PLEKHG1: variants seen among roughly 807,000 people sequenced by gnomAD.
PLEKHG1 encodes the protein pleckstrin homology domain-containing family G member 1.
Under a neutral mutation model 100.8 loss-of-function variants are expected in PLEKHG1, and 44 were observed. That is an observed-to-expected ratio of 0.44 (90% confidence interval 0.34 to 0.56). PLEKHG1 has a LOEUF of 0.56. Ranked by LOEUF, PLEKHG1 falls within the 20% of genes least tolerant of loss-of-function variation. The pLI, the probability that PLEKHG1 is intolerant of heterozygous loss-of-function variation, is 0.01. For missense variants in PLEKHG1, 1,545 were observed against 1,720.9 expected, an observed-to-expected ratio of 0.90 and a Z score of 1.81; for synonymous variants, 640 against 662.5, an observed-to-expected ratio of 0.97 and a Z score of 0.52.
intron 1 of PLEKHG1, among the ~76,000 whole-genome samples, chr6:150,733,052 A>C (rs1220616748): frequency 1.3e-5 from 2 of 152,234 alleles, no homozygotes; most frequent in Non-Finnish European, 2.9e-5. Flanking sequence ...TGGCTCCAGG[A>C]TGCTAGCCTA....
intron 2 of PLEKHG1, among the ~76,000 whole-genome samples, chr6:150,750,309 G>A (rs1401804666): frequency 2.0e-5 from 3 of 152,096 alleles, no homozygotes; most frequent in Non-Finnish European, 4.4e-5. Context: ...TTCTAAAGCC[G>A]AGGTTGCACA....
At chr6:150,644,070 G>C (rs1194016839) in intron 2 of PLEKHG1, among the ~76,000 whole-genome samples, 2 of 152,030 alleles carry the variant, frequency 1.3e-5, no homozygotes, top group Non-Finnish European at 2.9e-5. Flanking sequence ...GTGGATAAAC[G>C]AATTTTGAGG....
At chr6:150,732,008 C>T (rs966805958) in intron 1 of PLEKHG1, among the ~76,000 whole-genome samples, 1 of 142,980 alleles carries the variant, frequency 7.0e-6, no homozygotes, top group Non-Finnish European at 1.5e-5. Context: ...GTCGCCCAGT[C>T]TGGAGTGCAG....
At chr6:150,749,869 C>A (rs999585435) in intron 2 of PLEKHG1, among the ~76,000 whole-genome samples, 11 of 151,960 alleles carry the variant, frequency 7.2e-5, no homozygotes, top group African/African-American at 2.4e-4. Flanking sequence ...GTCAGGAGTT[C>A]GAGAACAGCC....
intron 1 of PLEKHG1, among the ~76,000 whole-genome samples, chr6:150,609,501 A>T (rs1562380120): frequency 1.3e-5 from 2 of 151,906 alleles, no homozygotes. Flanking sequence ...CAAGGCAGCC[A>T]GTGTGTGTGT....
rs199707294 is a variant in PLEKHG1 at position 150,733,902 on chromosome 6, C to G, written c.221C>G (p.Thr74Arg). 5 of 1,614,178 alleles carry G rather than the reference C, an allele frequency of 3.1e-6. No individual in the cohort carries two copies. The African/African-American group carries it at 6.7e-5, about 22-fold the overall frequency. Residue 74 changes from threonine (T) to arginine (R), a missense_variant, in exon 2 of 16, where the codon ACG (threonine) becomes AGG (arginine). By Grantham distance (71) the Thr-to-Arg change is moderately conservative (BLOSUM62 -1). Transcript: ENST00000358517. ...GAGCTGCAGAGGGACAACCCCGCCA[C>G]GGGGCAACAGAACGCGGATGAGGGC...
intron 3 of PLEKHG1, among the ~76,000 whole-genome samples, chr6:150,692,434 T>C (rs761235513): frequency 3.3e-5 from 5 of 152,208 alleles, no homozygotes; most frequent in Non-Finnish European, 7.3e-5. Flanking sequence ...TAGAATAATA[T>C]GATCATGGGC....
At chr6:150,616,788 A>C (rs2128555403) in intron 1 of PLEKHG1, among the ~76,000 whole-genome samples, 1 of 152,366 alleles carries the variant, frequency 6.6e-6, no homozygotes, top group Non-Finnish European at 1.5e-5. Flanking sequence ...TGCCTGCTTC[A>C]GCTTACTGTC....
At chr6:150,630,045 G>A (rs1438580558) in intron 1 of PLEKHG1, among the ~76,000 whole-genome samples, 1 of 152,154 alleles carries the variant, frequency 6.6e-6, no homozygotes, top group Non-Finnish European at 1.5e-5. Flanking sequence ...TATTTCACAG[G>A]GGATTACTGG....
chr6:150,606,496 C>A (rs1776607060), intron 1 of PLEKHG1, among the ~76,000 whole-genome samples: 1 of 152,224 alleles, frequency 6.6e-6, no homozygotes, highest in African/African-American at 2.4e-5. Context: ...GCTTTTCACA[C>A]TCCAAGCAGG....
At chr6:150,670,879 C>G (rs962175375) in intron 3 of PLEKHG1, among the ~76,000 whole-genome samples, 1 of 147,780 alleles carries the variant, frequency 6.8e-6, no homozygotes, top group African/African-American at 2.5e-5. Flanking sequence ...GCCCCCCCCT[C>G]CCATTCTTTC....
intron 2 of PLEKHG1, among the ~76,000 whole-genome samples, chr6:150,748,286 T>C (rs1783276439): frequency 6.6e-6 from 1 of 151,520 alleles, no homozygotes; most frequent in South Asian, 2.1e-4. Context: ...ATTCATCCAT[T>C]GATGCACACT....
intron 10 of PLEKHG1, among the ~76,000 whole-genome samples, chr6:150,813,758 G>T (rs1787688600): frequency 6.6e-6 from 1 of 152,130 alleles, no homozygotes; most frequent in Admixed American, 6.5e-5. Context: ...AGTGTGATCA[G>T]GTTCTGGAGG....
Position 150,795,849 on chromosome 6 carries a change from C to A in PLEKHG1, c.583-7C>A. ...TGCCTATAAAAATTTCTTTTGTTTC[C>A]TTGCAGAGTGAAGAGTTCCACATTT... On this transcript the variant is annotated splice_region_variant and splice_polypyrimidine_tract_variant and intron_variant, in intron 4 of 15. Coordinates refer to ENST00000358517, the Ensembl canonical transcript of PLEKHG1. 1 of 1,582,358 alleles carries A rather than the reference C, an allele frequency of 6.3e-7. No homozygotes were observed. The highest frequency in any genetic ancestry group is 8.7e-7 in the Non-Finnish European group (1 of 1,153,640).
intron 15 of PLEKHG1, among the ~76,000 whole-genome samples, chr6:150,837,991 A>G (rs1283413842): frequency 6.6e-6 from 1 of 152,196 alleles, no homozygotes; most frequent in Non-Finnish European, 1.5e-5. Flanking sequence ...AAGTTAGACT[A>G]TTTACCTTGA....
intron 15 of PLEKHG1, among the ~76,000 whole-genome samples, chr6:150,836,500 T>G (rs1382132632): frequency 2.0e-5 from 3 of 152,218 alleles, no homozygotes; most frequent in Admixed American, 6.5e-5. Context: ...TTGAACAAAA[T>G]GTACAGCATT....
At chr6:150,837,772 C>T (rs1411837692) in intron 15 of PLEKHG1, among the ~76,000 whole-genome samples, 1 of 152,202 alleles carries the variant, frequency 6.6e-6, no homozygotes, top group Non-Finnish European at 1.5e-5. Context: ...GGATGGCTAC[C>T]ATGGGCACAC....
chr6:150,776,260 C>G (rs898640276), intron 3 of PLEKHG1, among the ~76,000 whole-genome samples: 10 of 152,232 alleles, frequency 6.6e-5, no homozygotes, highest in Admixed American at 4.6e-4. Context: ...CTCAAGGAAA[C>G]GAGAAAAGAT....
intron 3 of PLEKHG1, among the ~76,000 whole-genome samples, chr6:150,695,739 A>G (rs1258313838): frequency 6.6e-6 from 1 of 152,224 alleles, no homozygotes; most frequent in Non-Finnish European, 1.5e-5. Context: ...CAAAAAAGCC[A>G]TGCACACCCA....
Sources: gnomAD v4.1 joint callset for allele counts (sites outside exome capture counted in the v4.1 genomes callset) on GRCh38, gnomAD v4.1.1 for gene constraint, MANE v1.5 for transcripts, NCBI Gene and HGNC (gene_info 2026-07-23, HGNC 2026-07-21) for gene names.